The following GRIN3A variants were observed in gnomAD, a reference collection of about 807,000 sequenced individuals.
The protein encoded by GRIN3A is glutamate receptor ionotropic, NMDA 3A.
Under a neutral mutation model 92.4 loss-of-function variants are expected in GRIN3A, and 47 were observed. The observed-to-expected ratio is 0.51, with a 90% CI of 0.40 to 0.65. The LOEUF is 0.65. Ranked by LOEUF, GRIN3A falls within the 30% of genes least tolerant of loss-of-function variation. The probability of loss-of-function intolerance (pLI) is 0.00; values close to 1 mark genes in which losing one functional copy is unlikely to be tolerated. For missense variants in GRIN3A, 1,324 were observed against 1,393.1 expected (o/e 0.95, Z 0.79); for synonymous variants, 527 against 540.6 (o/e 0.97, Z 0.35).
chr9:101,715,089 G>A (rs932829203), intron 1 of GRIN3A, among the ~76,000 whole-genome samples: 1 of 151,202 alleles, frequency 6.6e-6, no homozygotes, highest in African/African-American at 2.4e-5. Context: ...AAGGATCCTT[G>A]GACATTCTTC....
At chr9:101,583,329 A>G (rs1827912877) in intron 6 of GRIN3A, among the ~76,000 whole-genome samples, 1 of 152,210 alleles carries the variant, frequency 6.6e-6, no homozygotes, top group African/African-American at 2.4e-5. Flanking sequence ...TGGAAAATCC[A>G]CTATCATCTG....
chr9:101,617,200 C>T (rs1472213798), intron 5 of GRIN3A, among the ~76,000 whole-genome samples: 1 of 119,210 alleles, frequency 8.4e-6, no homozygotes, highest in African/African-American at 3.7e-5. Flanking sequence ...GAGCGAGACT[C>T]CGTCTAAAAA....
intron 1 of GRIN3A, among the ~76,000 whole-genome samples, chr9:101,693,644 A>T (rs1371296914): frequency 6.6e-6 from 1 of 152,166 alleles, no homozygotes; most frequent in East Asian, 1.9e-4. Context: ...TTAGAATGAC[A>T]TTCCCTGTGT....
intron 1 of GRIN3A, among the ~76,000 whole-genome samples, chr9:101,696,016 G>A (rs917812320): frequency 6.9e-4 from 105 of 152,262 alleles, no homozygotes; most frequent in African/African-American, 2.5e-3. Flanking sequence ...TTGAGCTAAA[G>A]AGAAAGCCTA....
At chr9:101,588,810 ATAT>A (rs144159378) in intron 6 of GRIN3A, among the ~76,000 whole-genome samples, 14,294 of 151,810 alleles carry the variant, frequency 0.094, 751 homozygotes, top group African/African-American at 0.15. Context: ...TATTTTCTAA[ATAT>A]TATTTTATTT....
At chr9:101,623,607 C>T (rs1828587984) in intron 4 of GRIN3A, among the ~76,000 whole-genome samples, 174 bp from the exon 5 acceptor site, 1 of 152,198 alleles carries the variant, frequency 6.6e-6, no homozygotes, top group Admixed American at 6.5e-5. Flanking sequence ...GACTACAGAC[C>T]AGGGGAGACA....
At chr9:101,643,207 A>G (rs1012311832) in intron 3 of GRIN3A, among the ~76,000 whole-genome samples, 1 of 152,158 alleles carries the variant, frequency 6.6e-6, no homozygotes, top group Non-Finnish European at 1.5e-5. Flanking sequence ...ACAAACAAAC[A>G]AAAACAAATA....
intron 2 of GRIN3A, among the ~76,000 whole-genome samples, chr9:101,681,333 AG>A (rs1829463743): frequency 6.6e-6 from 1 of 152,266 alleles, no homozygotes; most frequent in African/African-American, 2.4e-5. Context: ...AATTTGTTAC[AG>A]GATTATGATT....
At chr9:101,589,573 A>G (rs1396534036) in intron 6 of GRIN3A, among the ~76,000 whole-genome samples, 1 of 152,158 alleles carries the variant, frequency 6.6e-6, no homozygotes, top group East Asian at 1.9e-4. Flanking sequence ...TGAATCATAT[A>G]ATGACTTTTT....
intron 3 of GRIN3A, among the ~76,000 whole-genome samples, chr9:101,659,107 A>G (rs1337924470): frequency 6.6e-6 from 1 of 151,924 alleles, no homozygotes; most frequent in African/African-American, 2.4e-5. Flanking sequence ...TACACAGATA[A>G]ATATTTATTG....
chr9:101,574,960 T>G lies in GRIN3A; in HGVS notation c.3009-1447A>C, dbSNP rs143914230. Among the ~76,000 whole-genome samples, 872 of 152,340 alleles carry G rather than the reference T, an allele frequency of 5.7e-3. 11 individuals are homozygous for G. Among genetic ancestry groups the G allele is most frequent in the African/African-American group, 0.02 (819 of 41,586 alleles). ...TAGCTGCTTTCCCCATCCCCCAAAG[T>G]TGGCTACAGACATATGAGCAAACCC... On this transcript the variant is annotated intron_variant, in intron 8 of 8. Coordinates refer to ENST00000361820, the MANE Select transcript of GRIN3A (RefSeq NM_133445.3).
At chr9:101,695,205 G>A (rs1181375613) in intron 1 of GRIN3A, among the ~76,000 whole-genome samples, 1 of 152,176 alleles carries the variant, frequency 6.6e-6, no homozygotes. Context: ...GACCTGATGT[G>A]CAAGAGCTAG....
chr9:101,716,855 A>T (rs907914594), intron 1 of GRIN3A, among the ~76,000 whole-genome samples: 5 of 152,180 alleles, frequency 3.3e-5, no homozygotes, highest in African/African-American at 1.2e-4. Context: ...TTTTTACATT[A>T]AAAAAATCCA....
intron 1 of GRIN3A, among the ~76,000 whole-genome samples, chr9:101,715,194 A>G (rs1456022579): frequency 8.2e-6 from 1 of 122,066 alleles, no homozygotes. Context: ...TTTGTGACAA[A>G]AATGGTAAAA....
chr9:101,691,771 G>T (rs1829623849), intron 1 of GRIN3A, among the ~76,000 whole-genome samples: 1 of 152,118 alleles, frequency 6.6e-6, no homozygotes, highest in Admixed American at 6.6e-5. Context: ...CAGCAGTTGG[G>T]CTTTTCTGTC....
chr9:101,731,656 A>C (rs1321474481), intron 1 of GRIN3A, among the ~76,000 whole-genome samples: 1 of 152,160 alleles, frequency 6.6e-6, no homozygotes, highest in Admixed American at 6.5e-5. Flanking sequence ...TCAGGGATCA[A>C]CCCACTTTTT....
intron 2 of GRIN3A, among the ~76,000 whole-genome samples, chr9:101,682,645 A>G (rs1572561): frequency 0.78 from 119,054 of 152,198 alleles, 46,957 homozygotes; most frequent in Middle Eastern, 0.84. Context: ...GTATTCTCAA[A>G]ATAATATTCC....
chr9:101,610,168 T>C (rs938539259), intron 6 of GRIN3A, among the ~76,000 whole-genome samples: 3 of 152,226 alleles, frequency 2.0e-5, no homozygotes, highest in Admixed American at 2.0e-4. Flanking sequence ...CCCAAGTTCA[T>C]TTCTTTTAGG....
chr9:101,574,124 A>G (rs1413940941), intron 8 of GRIN3A, among the ~76,000 whole-genome samples: 2 of 152,286 alleles, frequency 1.3e-5, no homozygotes, highest in South Asian at 2.1e-4. Flanking sequence ...GCTTAAAAAA[A>G]TCCCGAGAAA....
Sources: gnomAD v4.1 joint callset for allele counts (sites outside exome capture counted in the v4.1 genomes callset) on GRCh38, gnomAD v4.1.1 for gene constraint, MANE v1.5 for transcripts, NCBI Gene and HGNC (gene_info 2026-07-23, HGNC 2026-07-21) for gene names.